Variants in ARL15 observed in about 807,000 individuals in gnomAD.
ARL15 encodes the protein ARF like GTPase 15, also known as ADP-ribosylation factor-like protein 15.
Under a neutral mutation model 25.2 loss-of-function variants are expected in ARL15, and 19 were observed. The ratio of observed to expected loss-of-function variants is 0.75; its 90% CI spans 0.53 to 1.10. The LOEUF is 1.10. Among genes scored for constraint, ARL15 ranks in the 50% least tolerant of loss-of-function variants. The pLI is 0.00. For missense variants in ARL15, 220 were observed against 246.0 expected (o/e 0.89, Z 0.71); for synonymous variants, 94 against 86.8 (o/e 1.08, Z -0.46).
At chr5:53,908,225 A>G (rs959832516) in intron 4 of ARL15, among the ~76,000 whole-genome samples, 2 of 152,206 alleles carry the variant, frequency 1.3e-5, no homozygotes, top group African/African-American at 4.8e-5. Context: ...ATTAAACTTT[A>G]TCATAGGCAT....
chr5:54,207,499 C>T (rs1755903109), intron 1 of ARL15, among the ~76,000 whole-genome samples: 1 of 152,294 alleles, frequency 6.6e-6, no homozygotes, highest in East Asian at 1.9e-4. Flanking sequence ...TGAGAAAAGA[C>T]CTCTTTAAAG....
At chr5:54,238,256 G>A (rs771113786) in intron 1 of ARL15, among the ~76,000 whole-genome samples, 1 of 152,142 alleles carries the variant, frequency 6.6e-6, no homozygotes, top group Non-Finnish European at 1.5e-5. Flanking sequence ...CAGATTCAGG[G>A]GTTGACCCTT....
chr5:53,956,588 T>G (rs1012046898), intron 4 of ARL15, among the ~76,000 whole-genome samples: 1 of 151,734 alleles, frequency 6.6e-6, no homozygotes, highest in African/African-American at 2.4e-5. Flanking sequence ...GTCTTACATA[T>G]GCCCACAGTA....
chr5:53,903,433 G>A (rs983793441), intron 4 of ARL15, among the ~76,000 whole-genome samples: 1 of 152,122 alleles, frequency 6.6e-6, no homozygotes, highest in South Asian at 2.1e-4. Flanking sequence ...AGCATCTAGT[G>A]GGTAGAGGCC....
chr5:53,949,643 G>A (rs1244082707), intron 4 of ARL15, among the ~76,000 whole-genome samples: 2 of 152,234 alleles, frequency 1.3e-5, no homozygotes, highest in Admixed American at 6.5e-5. Context: ...ATAGTTCTAA[G>A]TTTTTTGGAG....
At chr5:54,037,705 T>C (rs1750214907) in intron 4 of ARL15, among the ~76,000 whole-genome samples, 1 of 152,140 alleles carries the variant, frequency 6.6e-6, no homozygotes, top group Non-Finnish European at 1.5e-5. Flanking sequence ...AATGCTTAAG[T>C]ACACCTGAAA....
At chr5:54,290,620 A>G (rs1047934481) in intron 1 of ARL15, among the ~76,000 whole-genome samples, 2 of 152,090 alleles carry the variant, frequency 1.3e-5, no homozygotes, top group Non-Finnish European at 2.9e-5. Flanking sequence ...TCAATATTTT[A>G]ATATTCAATA....
intron 4 of ARL15, among the ~76,000 whole-genome samples, chr5:54,050,123 C>T (rs1750661051): frequency 6.6e-6 from 1 of 152,120 alleles, no homozygotes; most frequent in South Asian, 2.1e-4. Context: ...AATTCAAGCA[C>T]CAAAATAGCA....
chr5:53,995,605 G>A (rs1223186375), intron 4 of ARL15, among the ~76,000 whole-genome samples: 2 of 152,264 alleles, frequency 1.3e-5, no homozygotes, highest in East Asian at 1.9e-4. Flanking sequence ...TCATCTTCAA[G>A]AGTAGTTTAT....
At chr5:54,027,984 G>A (rs961791653) in intron 4 of ARL15, among the ~76,000 whole-genome samples, 2 of 151,590 alleles carry the variant, frequency 1.3e-5, no homozygotes, top group African/African-American at 2.4e-5. Flanking sequence ...AGGCGTGATC[G>A]TGGCTCACTG....
intron 1 of ARL15, among the ~76,000 whole-genome samples, chr5:54,293,438 TA>T (rs1758386721): frequency 6.6e-6 from 1 of 152,194 alleles, no homozygotes; most frequent in Non-Finnish European, 1.5e-5. Flanking sequence ...TAGTTCTGCA[TA>T]AAATTAGTTG....
At chr5:54,258,914 A>G (rs1757431957) in intron 1 of ARL15, among the ~76,000 whole-genome samples, 1 of 152,172 alleles carries the variant, frequency 6.6e-6, no homozygotes, top group Non-Finnish European at 1.5e-5. Flanking sequence ...AGGCTCTGTA[A>G]GGAAAACACA....
intron 4 of ARL15, among the ~76,000 whole-genome samples, chr5:54,110,172 G>C (rs1485267754): frequency 1.3e-5 from 2 of 151,942 alleles, no homozygotes; most frequent in Non-Finnish European, 2.9e-5. Context: ...TCTTAATTCA[G>C]TGCTCCACAC....
chr5:54,300,922 A>C (rs940557574), intron 1 of ARL15, among the ~76,000 whole-genome samples: 14 of 152,144 alleles, frequency 9.2e-5, no homozygotes, highest in African/African-American at 3.4e-4. Context: ...ACTGCTCCAA[A>C]CCCTGCTCCA....
intron 3 of ARL15, among the ~76,000 whole-genome samples, chr5:54,144,002 TTG>T (rs1291856974): frequency 2.6e-5 from 4 of 152,072 alleles, no homozygotes; most frequent in African/African-American, 9.7e-5. Context: ...ACTTTTATGC[TTG>T]TTTCTCTTTA....
intron 4 of ARL15, among the ~76,000 whole-genome samples, chr5:53,961,599 C>A (rs919534058): frequency 6.6e-6 from 1 of 151,278 alleles, no homozygotes; most frequent in Non-Finnish European, 1.5e-5. Flanking sequence ...AAGAAAGAAG[C>A]TGTACCTAAT....
intron 4 of ARL15, among the ~76,000 whole-genome samples, chr5:53,945,710 A>C (rs552737978): frequency 1.3e-5 from 2 of 152,372 alleles, no homozygotes; most frequent in Non-Finnish European, 2.9e-5. Flanking sequence ...GACTGCAGAA[A>C]TATGTAAATA....
At chr5:53,987,415 T>C (rs1454238423) in intron 4 of ARL15, among the ~76,000 whole-genome samples, 3 of 151,932 alleles carry the variant, frequency 2.0e-5, no homozygotes, top group Non-Finnish European at 4.4e-5. Flanking sequence ...CACACATGCA[T>C]GCGCACAGGC....
At chr5:54,137,621 T>C (rs777800769) in intron 3 of ARL15, among the ~76,000 whole-genome samples, 1 of 152,232 alleles carries the variant, frequency 6.6e-6, no homozygotes, top group Non-Finnish European at 1.5e-5. Flanking sequence ...TTCAGAACTT[T>C]ATCTCAAAAT....
Sources: allele counts gnomAD v4.1 joint callset (sites outside exome capture counted in the v4.1 genomes callset), GRCh38; gene constraint gnomAD v4.1.1; transcripts MANE v1.5; gene names NCBI Gene and HGNC (gene_info 2026-07-23, HGNC 2026-07-21).